Variants in KCNH8 observed in about 807,000 individuals in gnomAD.
The protein encoded by KCNH8 is potassium voltage-gated channel subfamily H member 8.
In KCNH8, 70 loss-of-function variants were observed where a neutral mutation model predicts 103.6. The ratio of observed to expected loss-of-function variants is 0.68; its 90% CI spans 0.56 to 0.82. The LOEUF (loss-of-function observed/expected upper bound fraction) is 0.82, where lower values mean the gene tolerates loss of function less well. KCNH8 is among the 40% of genes least tolerant of loss of function. The pLI is 0.00. For missense variants in KCNH8, 1,217 were observed against 1,329.9 expected (o/e 0.92, Z 1.32); for synonymous variants, 498 against 489.4 (o/e 1.02, Z -0.23).
At chr3:19,319,965 T>C (rs1489472036) in intron 3 of KCNH8, among the ~76,000 whole-genome samples, 1 of 151,962 alleles carries the variant, frequency 6.6e-6, no homozygotes, top group Non-Finnish European at 1.5e-5. Context: ...CTCAGCCTGG[T>C]CACAAGTTTA....
At chr3:19,519,995 G>A (rs368215789) in intron 15 of KCNH8, among the ~76,000 whole-genome samples, 53 of 150,844 alleles carry the variant, frequency 3.5e-4, no homozygotes, top group African/African-American at 1.3e-3. Context: ...AATGTGAATC[G>A]GGTAGATCCA....
intron 10 of KCNH8, among the ~76,000 whole-genome samples, chr3:19,455,264 C>G (rs1360541742): frequency 1.3e-5 from 2 of 152,094 alleles, no homozygotes; most frequent in Non-Finnish European, 2.9e-5. Context: ...TTTCCCCCAC[C>G]AATTTCTTCA....
At chr3:19,255,059 G>T (rs73048557) in intron 2 of KCNH8, among the ~76,000 whole-genome samples, 1 of 152,090 alleles carries the variant, frequency 6.6e-6, no homozygotes, top group East Asian at 1.9e-4. Flanking sequence ...GGCCATAAGG[G>T]TGGGGACCTA....
At chr3:19,244,413 C>A (rs909219272) in intron 1 of KCNH8, among the ~76,000 whole-genome samples, 1 of 151,998 alleles carries the variant, frequency 6.6e-6, no homozygotes, top group Non-Finnish European at 1.5e-5. Flanking sequence ...TATGAGTGCA[C>A]GTGTTTTTGT....
chr3:19,530,135 G>A (rs1297621325), intron 15 of KCNH8, among the ~76,000 whole-genome samples: 1 of 152,142 alleles, frequency 6.6e-6, no homozygotes, highest in Non-Finnish European at 1.5e-5. Context: ...AGAGTAGAAT[G>A]ATGATTACCA....
rs148334173 is a variant in KCNH8 at position 19,283,886 on chromosome 3, T to A, written c.442+2557T>A. On this transcript the variant is annotated intron_variant, in intron 3 of 15. Coordinates refer to ENST00000328405, the MANE Select transcript of KCNH8 (RefSeq NM_144633.3). ...TCAGCCCAGGAGGTGAATGCTGCAG[T>A]GACTGGTGATTCACTCCTGCACTCT... is the stretch of plus-strand genomic sequence containing the variant. Among the ~76,000 whole-genome samples the A allele has an allele frequency of 2.7e-5, 4 of 150,266 alleles. No homozygotes were observed. In the East Asian group the frequency reaches 7.8e-4, roughly 29 times the overall value.
intron 11 of KCNH8, among the ~76,000 whole-genome samples, chr3:19,498,814 C>T (rs1038232441): frequency 6.6e-6 from 1 of 152,136 alleles, no homozygotes; most frequent in East Asian, 1.9e-4. Context: ...GGACCCTCAG[C>T]TGCAGGTCTG....
intron 7 of KCNH8, among the ~76,000 whole-genome samples, chr3:19,436,254 G>A (rs1368370953): frequency 6.6e-6 from 1 of 151,882 alleles, no homozygotes; most frequent in Non-Finnish European, 1.5e-5. Flanking sequence ...TTTATGTTGT[G>A]TATGTTTTTT....
At chr3:19,375,638 G>A (rs138101817) in intron 5 of KCNH8, among the ~76,000 whole-genome samples, 1,749 of 152,212 alleles carry the variant, frequency 0.011, 36 homozygotes, top group African/African-American at 0.04. Context: ...GCTTTGTTCC[G>A]TTGCTGGTGA....
At position 19,525,861 on chromosome 3, in the gene KCNH8, G is replaced by C. The variant is rs139145375; in HGVS notation, c.2620-7534G>C. On this transcript the variant is annotated intron_variant, in intron 15 of 15. Coordinates refer to ENST00000328405, the MANE Select transcript of KCNH8 (RefSeq NM_144633.3). ...AACTTTTATTAGTAATGGGATTGAG[G>C]TCCTCATATGGATGAAATGTATGCA... 2.7e-3 allele frequency among the ~76,000 whole-genome samples: 416 copies of C among 151,982 alleles called. 2 individuals carry two copies. Among genetic ancestry groups the C allele is most frequent in the African/African-American group, 9.8e-3 (406 of 41,500 alleles).
rs149561834 is a variant in KCNH8 at position 19,361,075 on chromosome 3, G to A, written c.811+13110G>A. 6.9e-3 allele frequency among the ~76,000 whole-genome samples: 1,049 copies of A among 152,180 alleles called. 9 individuals carry two copies. The highest frequency in any genetic ancestry group is 0.033 in the South Asian group (161 of 4,820). ...GGAAACTGAGTCTTCTGGCAAATTT[G>A]TTGGCCCTTATCCCTATATGTAGTA... On this transcript the variant is annotated intron_variant, in intron 5 of 15. Coordinates refer to ENST00000328405, the MANE Select transcript of KCNH8 (RefSeq NM_144633.3).
chr3:19,402,393 TAGAG>T (rs1234348709), intron 7 of KCNH8, among the ~76,000 whole-genome samples: 1 of 151,822 alleles, frequency 6.6e-6, no homozygotes, highest in African/African-American at 2.4e-5. Flanking sequence ...TCTACAAAAA[TAGAG>T]AGCAAGATTA....
intron 7 of KCNH8, among the ~76,000 whole-genome samples, chr3:19,398,851 C>A (rs955611216): frequency 2.6e-5 from 4 of 151,966 alleles, no homozygotes; most frequent in African/African-American, 9.7e-5. Context: ...TGAACTATGA[C>A]TAGTGAATAC....
chr3:19,377,652 G>C (rs532402730), intron 5 of KCNH8, among the ~76,000 whole-genome samples: 3 of 152,180 alleles, frequency 2.0e-5, no homozygotes, highest in African/African-American at 7.2e-5. Context: ...CTGCAAGAGT[G>C]GTATATATTG....
In KCNH8 at chr3:19,347,929, G is replaced by C. The variant is rs370425285; in HGVS notation, c.775G>C (p.Val259Leu). The change falls in exon 5 of 16, where the codon GTC becomes CTC. Residue 259 changes from valine (V) to leucine (L), a missense_variant. By Grantham distance (32) the Val-to-Leu change is conservative. Transcript: ENST00000328405. ...CCTGTCCACAACTCGGAGCACAACCGTCAGTGACATTGCAGTGGAGATTCT... is the reference window on the plus strand; with the variant it reads ...CCTGTCCACAACTCGGAGCACAACCCTCAGTGACATTGCAGTGGAGATTCT... ...DDLSTTRSTT[V>L]SDIAVEILFI... The C allele has an allele frequency of 6.2e-7, 1 of 1,613,146 alleles. No homozygotes were observed. Among genetic ancestry groups the C allele is most frequent in the Non-Finnish European group, 8.5e-7 (1 of 1,179,352 alleles).
At chr3:19,426,177 C>T (rs543766681) in intron 7 of KCNH8, among the ~76,000 whole-genome samples, 1 of 152,096 alleles carries the variant, frequency 6.6e-6, no homozygotes, top group African/African-American at 2.4e-5. Flanking sequence ...TCCTGCTGGG[C>T]TATGCTCCTG....
chr3:19,406,825 T>G (rs1438188543), intron 7 of KCNH8, among the ~76,000 whole-genome samples: 1 of 152,134 alleles, frequency 6.6e-6, no homozygotes, highest in Non-Finnish European at 1.5e-5. Context: ...AGATTGAGTG[T>G]TATAAAATTA....
chr3:19,320,845 G>A (rs367631467), intron 3 of KCNH8, among the ~76,000 whole-genome samples: 217 of 151,528 alleles, frequency 1.4e-3, no homozygotes, highest in Non-Finnish European at 2.4e-3. Context: ...TAAAATTACC[G>A]TTTCAGTCTC....
At chr3:19,314,232 A>G (rs568696676) in intron 3 of KCNH8, among the ~76,000 whole-genome samples, 1 of 152,020 alleles carries the variant, frequency 6.6e-6, no homozygotes, top group South Asian at 2.1e-4. Flanking sequence ...AAAAGATATG[A>G]TAGTAAATAT....
Sources: gnomAD v4.1 joint callset for allele counts (sites outside exome capture counted in the v4.1 genomes callset) on GRCh38, gnomAD v4.1.1 for gene constraint, MANE v1.5 for transcripts, NCBI Gene and HGNC (gene_info 2026-07-23, HGNC 2026-07-21) for gene names.